ERC2: variants seen among roughly 807,000 people sequenced by gnomAD.
ERC2 encodes the protein ELKS/RAB6-interacting/CAST family member 2.
ERC2 carries 42 observed loss-of-function variants against 114.8 expected under a neutral mutation model. That is an observed-to-expected ratio of 0.37 (90% confidence interval 0.29 to 0.47). ERC2 has a LOEUF of 0.47. ERC2 is among the 20% of genes least tolerant of loss of function. The pLI is 0.99. For missense variants in ERC2, 939 were observed against 1,150.7 expected (o/e 0.82, Z 2.66); for synonymous variants, 454 against 425.5 (o/e 1.07, Z -0.82).
chr3:55,656,527 C>T (rs573278198), intron 17 of ERC2, among the ~76,000 whole-genome samples: 1 of 152,168 alleles, frequency 6.6e-6, no homozygotes, highest in Non-Finnish European at 1.5e-5. Flanking sequence ...GCTCTGAAAC[C>T]TTCCTTGTCA....
At chr3:55,919,152 G>A (rs2065271744) in intron 13 of ERC2, among the ~76,000 whole-genome samples, 1 of 152,188 alleles carries the variant, frequency 6.6e-6, no homozygotes, top group South Asian at 2.1e-4. Context: ...GCCAAAGTGG[G>A]AGGATTGCTT....
At chr3:55,773,170 C>T (rs1429397617) in intron 14 of ERC2, among the ~76,000 whole-genome samples, 2 of 152,216 alleles carry the variant, frequency 1.3e-5, no homozygotes, top group African/African-American at 4.8e-5. Context: ...GGCTATCAGT[C>T]CCGTGTGACC....
At chr3:55,959,890 G>T (rs1198631464) in intron 12 of ERC2, among the ~76,000 whole-genome samples, 1 of 152,162 alleles carries the variant, frequency 6.6e-6, no homozygotes, top group African/African-American at 2.4e-5. Context: ...CTTCCAGGAG[G>T]GTTCAAAGCA....
chr3:55,569,066 T>C (rs1481427010), intron 17 of ERC2, among the ~76,000 whole-genome samples: 1 of 152,180 alleles, frequency 6.6e-6, no homozygotes, highest in African/African-American at 2.4e-5. Context: ...AGCATTCCCT[T>C]GGGCCTATAC....
At chr3:55,758,138 C>G (rs2067179024) in intron 14 of ERC2, among the ~76,000 whole-genome samples, 1 of 152,114 alleles carries the variant, frequency 6.6e-6, no homozygotes, top group African/African-American at 2.4e-5. Context: ...ATCTGCTATT[C>G]TCCCCAAAAA....
At chr3:56,012,873 A>G (rs952302097) in intron 8 of ERC2, among the ~76,000 whole-genome samples, 2 of 152,132 alleles carry the variant, frequency 1.3e-5, no homozygotes, top group Admixed American at 6.5e-5. Flanking sequence ...AATTCCAACA[A>G]TGTGTTCTTG....
intron 6 of ERC2, among the ~76,000 whole-genome samples, chr3:56,126,126 T>A (rs1202021577): frequency 6.6e-6 from 1 of 152,220 alleles, no homozygotes; most frequent in East Asian, 1.9e-4. Context: ...CATCATTTCA[T>A]CTATAAATAT....
intron 14 of ERC2, among the ~76,000 whole-genome samples, chr3:55,754,726 G>A (rs1018925940): frequency 6.6e-6 from 1 of 151,466 alleles, no homozygotes; most frequent in Non-Finnish European, 1.5e-5. Context: ...AATAACAGAT[G>A]CTAAATATCT....
intron 8 of ERC2, among the ~76,000 whole-genome samples, chr3:56,015,476 C>T (rs985500759): frequency 6.6e-6 from 1 of 150,580 alleles, no homozygotes; most frequent in Non-Finnish European, 1.5e-5. Context: ...GTTTTCTGTT[C>T]CTGCATTAGT....
intron 1 of ERC2, among the ~76,000 whole-genome samples, chr3:56,449,617 G>C (rs2062741324): frequency 6.6e-6 from 1 of 152,210 alleles, no homozygotes; most frequent in Non-Finnish European, 1.5e-5. Flanking sequence ...CTCAAAATCA[G>C]ATTTGGCTGG....
At chr3:55,706,507 C>A (rs145422211) in intron 15 of ERC2, among the ~76,000 whole-genome samples, 1 of 152,030 alleles carries the variant, frequency 6.6e-6, no homozygotes, top group Admixed American at 6.6e-5. Context: ...AGTGATTACC[C>A]CACCTCAGCC....
At chr3:55,555,439 C>G (rs534127696) in intron 17 of ERC2, among the ~76,000 whole-genome samples, 1 of 152,266 alleles carries the variant, frequency 6.6e-6, no homozygotes, top group Admixed American at 6.5e-5. Flanking sequence ...TCAAATGACA[C>G]CAGAGCAAAT....
chr3:55,570,328 G>A (rs368912193), intron 17 of ERC2, among the ~76,000 whole-genome samples: 22 of 152,114 alleles, frequency 1.4e-4, no homozygotes, highest in Non-Finnish European at 1.6e-4. Context: ...TGTGCTGAAC[G>A]CTGGAAAGGC....
chr3:55,964,654 C>G (rs972542607), intron 12 of ERC2, among the ~76,000 whole-genome samples: 9 of 152,198 alleles, frequency 5.9e-5, no homozygotes, highest in Admixed American at 4.6e-4. Context: ...TATTTATTAT[C>G]TCACAGCTTC....
At chr3:55,898,049 C>T (rs2063926326) in intron 13 of ERC2, among the ~76,000 whole-genome samples, 1 of 152,186 alleles carries the variant, frequency 6.6e-6, no homozygotes, top group South Asian at 2.1e-4. Context: ...CTTTCCTCTT[C>T]TCTTCTCAGG....
At chr3:55,762,579 C>A (rs1450511373) in intron 14 of ERC2, among the ~76,000 whole-genome samples, 1 of 152,004 alleles carries the variant, frequency 6.6e-6, no homozygotes, top group Non-Finnish European at 1.5e-5. Flanking sequence ...ATATTGTAAG[C>A]TAGTTAGTTG....
intron 14 of ERC2, among the ~76,000 whole-genome samples, chr3:55,771,581 T>A (rs1201321576): frequency 6.6e-6 from 1 of 152,138 alleles, no homozygotes; most frequent in Non-Finnish European, 1.5e-5. Flanking sequence ...AATTAGAAGA[T>A]GAAAATAAGC....
intron 2 of ERC2, among the ~76,000 whole-genome samples, chr3:56,305,505 C>G (rs1029403050): frequency 2.3e-5 from 3 of 133,046 alleles, no homozygotes; most frequent in Admixed American, 8.6e-5. Flanking sequence ...ATACCCCACT[C>G]TCTTATCCAC....
chr3:56,077,653 C>A (rs1315849664), intron 7 of ERC2, among the ~76,000 whole-genome samples: 1 of 152,116 alleles, frequency 6.6e-6, no homozygotes, highest in Non-Finnish European at 1.5e-5. Context: ...CAACTTCTGA[C>A]AAAATGAACA....
Sources: gnomAD v4.1 joint callset for allele counts (sites outside exome capture counted in the v4.1 genomes callset) on GRCh38, gnomAD v4.1.1 for gene constraint, MANE v1.5 for transcripts, NCBI Gene and HGNC (gene_info 2026-07-23, HGNC 2026-07-21) for gene names.